MECOM: variants seen among roughly 807,000 people sequenced by gnomAD.
MECOM encodes the protein histone-lysine N-methyltransferase MECOM.
MECOM carries 13 observed loss-of-function variants against 116.3 expected under a neutral mutation model. That is an observed-to-expected ratio of 0.11 (90% CI 0.07 to 0.18). The LOEUF is 0.18. Among genes scored for constraint, MECOM ranks in the 10% least tolerant of loss-of-function variants. The probability of loss-of-function intolerance (pLI) is 1.00; values close to 1 mark genes in which losing one functional copy is unlikely to be tolerated. For synonymous variants in MECOM, 528 were observed against 535.2 expected (o/e 0.99, Z 0.19); for missense variants, 1,299 against 1,509.0 (o/e 0.86, Z 2.31).
intron 2 of MECOM, among the ~76,000 whole-genome samples, chr3:169,312,945 TG>T (rs1017716296): frequency 6.6e-6 from 1 of 152,112 alleles, no homozygotes; most frequent in African/African-American, 2.4e-5. Flanking sequence ...AACACTGCCC[TG>T]GAGAATGAGC....
intron 2 of MECOM, among the ~76,000 whole-genome samples, chr3:169,148,011 T>C (rs998524205): frequency 6.6e-6 from 1 of 152,104 alleles, no homozygotes; most frequent in Admixed American, 6.5e-5. Flanking sequence ...AGTTTTCTGC[T>C]AAGCATTAAA....
At chr3:169,104,965 G>A (rs1010053586) in intron 10 of MECOM, among the ~76,000 whole-genome samples, 3 of 152,056 alleles carry the variant, frequency 2.0e-5, no homozygotes, top group Non-Finnish European at 2.9e-5. Context: ...TAAGGGTTAC[G>A]CAAGTGTCTT....
intron 1 of MECOM, among the ~76,000 whole-genome samples, chr3:169,449,082 T>C (rs1745124673): frequency 6.6e-6 from 1 of 152,110 alleles, no homozygotes; most frequent in South Asian, 2.1e-4. Context: ...CAAATGAAGC[T>C]CAATCACGAA....
intron 1 of MECOM, among the ~76,000 whole-genome samples, chr3:169,499,030 C>T (rs1021645190): frequency 6.6e-6 from 1 of 151,674 alleles, no homozygotes; most frequent in African/African-American, 2.4e-5. Context: ...ATAAATCTCA[C>T]AGAATGTAAA....
chr3:169,396,019 A>C (rs2108364660), intron 1 of MECOM, among the ~76,000 whole-genome samples: 1 of 152,306 alleles, frequency 6.6e-6, no homozygotes. Flanking sequence ...CTATCCCCAA[A>C]CCAGGCTGTG....
Position 169,611,443 on chromosome 3 carries a change from A to T in MECOM, c.37+51893T>A, listed in dbSNP as rs1201380623. ...TTTTCTGAGGGTGCATCAATGTCTG[A>T]TGAATGAATGAATGATGGAATAAAC... is the stretch of plus-strand genomic sequence containing the variant. On this transcript the variant is annotated intron_variant, in intron 1 of 16. Coordinates refer to ENST00000651503, the MANE Select transcript of MECOM (RefSeq NM_004991.4). This position sits in a 1 kb window ranked among gnomAD's most constrained non-coding sequence, Gnocchi z 4.1. Among the ~76,000 whole-genome samples the T allele has an allele frequency of 6.6e-6, 1 of 152,184 alleles. No homozygotes were observed. Among genetic ancestry groups the T allele is most frequent in the Non-Finnish European group, 1.5e-5 (1 of 68,016 alleles).
chr3:169,333,878 C>CTCCT (rs566910187), intron 2 of MECOM, among the ~76,000 whole-genome samples: 3,806 of 140,016 alleles, frequency 0.027, 196 homozygotes, highest in African/African-American at 0.1. Flanking sequence ...CCTTCCTTCT[C>CTCCT]TCCTTCCTTC....
intron 2 of MECOM, chr3:169,149,474 G>T (rs1416569114): frequency 2.6e-5 from 6 of 233,672 alleles, no homozygotes; most frequent in African/African-American, 1.2e-4. Context: ...TTGCAGGTAC[G>T]GCAGGACGCC....
At chr3:169,238,952 A>G (rs1472185099) in intron 2 of MECOM, among the ~76,000 whole-genome samples, 1 of 152,134 alleles carries the variant, frequency 6.6e-6, no homozygotes, top group African/African-American at 2.4e-5. Context: ...ACTTATTTAA[A>G]TCTTACCTGA....
In MECOM at chr3:169,116,454, T is replaced by C. The variant is rs201542000; in HGVS notation, c.1418A>G (p.Asn473Ser). Residue 473 changes from asparagine (N) to serine (S), a missense_variant, in exon 8 of 17, where the codon AAT becomes AGT. By Grantham distance (46) the Asn-to-Ser change is conservative. Coordinates refer to ENST00000651503, the MANE Select transcript of MECOM (RefSeq NM_004991.4). The stretch of plus-strand genomic sequence containing the variant: ...AAAGGTAAGACCAGCAGGATGCCTA[T>C]TGGCGCCAAAATAGTCAGCAAGGCC... ...NPGLADYFGA[N>S]RHPAGLTFPT... 28 of 1,614,196 alleles carry C rather than the reference T, an allele frequency of 1.7e-5. No homozygotes were observed. In the Middle Eastern group the frequency reaches 4.9e-4, roughly 29 times the overall value.
chr3:169,148,591 G>C (rs991050759), intron 2 of MECOM, among the ~76,000 whole-genome samples: 1 of 152,140 alleles, frequency 6.6e-6, no homozygotes, highest in Non-Finnish European at 1.5e-5. Flanking sequence ...ACAATGGAAA[G>C]TTAAGCAAAG....
At chr3:169,468,821 C>T (rs546016150) in intron 1 of MECOM, among the ~76,000 whole-genome samples, 4 of 152,306 alleles carry the variant, frequency 2.6e-5, no homozygotes, top group Admixed American at 2.0e-4. Context: ...GATCTTACTT[C>T]ATGCAAAAGC....
chr3:169,328,097 G>A (rs1464368299), intron 2 of MECOM, among the ~76,000 whole-genome samples: 1 of 152,138 alleles, frequency 6.6e-6, no homozygotes, highest in Non-Finnish European at 1.5e-5. Flanking sequence ...CAGTGTCTAT[G>A]AGGAAGTTTC....
rs777142017 is a variant in MECOM, at chr3:169,089,990, A to T, written c.3401+10T>A. On this transcript the variant is annotated intron_variant, in intron 15 of 16. Coordinates refer to ENST00000651503, the MANE Select transcript of MECOM (RefSeq NM_004991.4). The stretch of plus-strand genomic sequence containing the variant: ...CTAGCTTAGTTTCTAAAGTCACCCA[A>T]GGTACTCACCTCACTGGGGATGTCT... The T allele has an allele frequency of 6.2e-7, 1 of 1,610,680 alleles. No individual in the cohort carries two copies.
intron 1 of MECOM, among the ~76,000 whole-genome samples, chr3:169,401,238 G>C (rs1163930431): frequency 6.6e-6 from 1 of 152,048 alleles, no homozygotes; most frequent in Admixed American, 6.5e-5. Context: ...AGTAGACAAG[G>C]GCCTGCCTTA....
At chr3:169,114,996 C>G (rs760350492) in intron 8 of MECOM, among the ~76,000 whole-genome samples, 7 of 152,148 alleles carry the variant, frequency 4.6e-5, no homozygotes, top group South Asian at 4.1e-4. Flanking sequence ...ATATCCCCCC[C>G]ATTCCAAAGA....
Position 169,112,823 on chromosome 3 carries a change from G to A in MECOM, c.2541C>T (p.Tyr847=), listed in dbSNP as rs1036158010. The A allele has an allele frequency of 6.8e-6, 11 of 1,613,008 alleles. No individual in the cohort carries two copies. The highest frequency in any genetic ancestry group is 9.3e-6 in the Non-Finnish European group (11 of 1,179,420). Residue 847 remains tyrosine, a synonymous_variant, in exon 9 of 17, where the codon TAC becomes TAT. Transcript: ENST00000651503. The part of the protein sequence containing the change: ...TDPLEALKEK[Y]LRPSPGFLFH... ...ACAAGAATCCTGGAGAAGGCCTCAA[G>A]TATTTCTCTTTTAAAGCTTCAAGTG... is the stretch of plus-strand genomic sequence containing the variant.
At chr3:169,120,077 A>C (rs1730472073) in intron 7 of MECOM, among the ~76,000 whole-genome samples, 1 of 152,226 alleles carries the variant, frequency 6.6e-6, no homozygotes, top group Non-Finnish European at 1.5e-5. Flanking sequence ...CTACAAACCA[A>C]AGTCAGAGGT....
chr3:169,145,049 A>T, intron 2 of MECOM: 2 of 1,549,972 alleles, frequency 1.3e-6, no homozygotes, highest in Non-Finnish European at 1.7e-6. Flanking sequence ...AAGAAGCCCT[A>T]TGAATAAGCC....
Sources: gnomAD v4.1 joint callset for allele counts (sites outside exome capture counted in the v4.1 genomes callset) on GRCh38, gnomAD v4.1.1 for gene constraint, Gnocchi (gnomAD v3.1) non-coding constraint, MANE v1.5 for transcripts, NCBI Gene and HGNC (gene_info 2026-07-23, HGNC 2026-07-21) for gene names.